The following PRELID1 variants were observed in gnomAD, a reference collection of about 807,000 sequenced individuals.
PRELID1 encodes PRELI domain-containing protein 1, mitochondrial.
PRELID1 carries 15 observed loss-of-function variants against 29.0 expected under a neutral mutation model. That is an observed-to-expected ratio of 0.52 (90% CI 0.35 to 0.80). The LOEUF (loss-of-function observed/expected upper bound fraction) is 0.80. PRELID1 is among the 30% of genes least tolerant of loss of function. PRELID1 has a pLI of 0.01. For synonymous variants in PRELID1, 79 were observed against 106.5 expected (o/e 0.74, Z 1.59); for missense variants, 187 against 275.9 (o/e 0.68, Z 2.28).
intron 2 of PRELID1, 50 bp downstream of exon 2, chr5:177,304,900 C>T (rs777240476): frequency 1.7e-5 from 25 of 1,472,884 alleles, no homozygotes; most frequent in East Asian, 2.4e-5. Context: ...CCCCTCCCCC[C>T]GAGATAGAGA....
At chr5:177,304,886 C>A in intron 2 of PRELID1, 36 bp downstream of exon 2, 3 of 1,513,710 alleles carry the variant, frequency 2.0e-6, no homozygotes, top group Non-Finnish European at 2.7e-6. Context: ...GCACCTCCCC[C>A]TCTCCCCTCC....
intron 4 of PRELID1, 60 bp from the exon 5 acceptor site, chr5:177,306,362 G>A (rs1760874221): frequency 1.2e-6 from 2 of 1,610,536 alleles, no homozygotes; most frequent in African/African-American, 1.3e-5. Flanking sequence ...TCATGGGGGA[G>A]GGAAATTAGG....
At chr5:177,306,324 G>C in intron 4 of PRELID1, 98 bp from the exon 5 acceptor site, 1 of 1,589,842 alleles carries the variant, frequency 6.3e-7, no homozygotes, top group South Asian at 1.1e-5. Flanking sequence ...CACCTTTTTA[G>C]TGGAGCCTGG....
At position 177,306,295 on chromosome 5, in the gene PRELID1, G is replaced by A. The variant is rs933300907; in HGVS notation, c.511+119G>A. 1.9e-6 allele frequency: 3 copies of A among 1,564,062 alleles called. No individual in the cohort carries two copies. In the Admixed American group the frequency reaches 5.1e-5, roughly 27 times the overall value. On this transcript the variant is annotated intron_variant, in intron 4 of 4. Coordinates refer to ENST00000303204, the MANE Select transcript of PRELID1 (RefSeq NM_013237.4). Reference sequence around the variant, plus strand: ...CTGGGACTCCTTGTCTGTACTGGGGGTGGGAGGAGGGTGAATACCACCTTT... The same window carrying A: ...CTGGGACTCCTTGTCTGTACTGGGGATGGGAGGAGGGTGAATACCACCTTT...
At position 177,306,872 on chromosome 5, in the gene PRELID1, A is replaced by G; in HGVS notation, c.*302A>G. The G allele has an allele frequency of 2.8e-6, 2 of 722,662 alleles. No individual in the cohort carries two copies. Among genetic ancestry groups the G allele is most frequent in the Non-Finnish European group, 4.4e-6 (2 of 452,642 alleles). 44.8% of individuals were successfully genotyped at this position (722,662 alleles called of 1,614,324 possible). A position where few individuals can be genotyped will look rare whatever the true frequency, so the allele number is the denominator to read the frequency against. On this transcript the variant is annotated 3_prime_UTR_variant, in exon 5 of 5. Transcript: ENST00000303204. The stretch of plus-strand genomic sequence containing the variant: ...GCTAGACTGTAAGCCCGACAAGGGC[A>G]GGGCTTTTGGTTTTGTTCTCTGATG...
chr5:177,305,914 G>C lies in PRELID1; in HGVS notation c.362G>C (p.Ser121Thr). ...GTTTACTGTGTGAACTCTGACAACA[G>C]TGGCTGGACTGAAATCCGCCGGGAA... The part of the protein sequence containing the change: ...RCVYCVNSDN[S>T]GWTEIRREAW... The change falls in exon 3 of 5, where the codon AGT (serine) becomes ACT (threonine). Residue 121 changes from serine to threonine, a missense_variant. Physicochemically the swap from Ser to Thr is moderately conservative, Grantham distance 58. Coordinates refer to ENST00000303204, the MANE Select transcript of PRELID1 (RefSeq NM_013237.4). 1 of 1,614,198 alleles carries C rather than the reference G, an allele frequency of 6.2e-7. No individual in the cohort carries two copies. Among genetic ancestry groups the C allele is most frequent in the Admixed American group, 1.7e-5 (1 of 60,028 alleles).
At chr5:177,304,526 G>T in intron 1 of PRELID1, 99 bp from the exon 2 acceptor site, 1 of 1,002,180 alleles carries the variant, frequency 1.0e-6, no homozygotes, top group Non-Finnish European at 1.5e-6. Flanking sequence ...TTACGGGAAG[G>T]CGTGGCCTCT....
Position 177,303,941 on chromosome 5 carries a change from C to T in PRELID1, c.-45C>T. The T allele has an allele frequency of 1.3e-6, 2 of 1,566,628 alleles. No homozygotes were observed. The highest frequency in any genetic ancestry group is 1.1e-5 in the South Asian group (1 of 89,078). On this transcript the variant is annotated 5_prime_UTR_variant, in exon 1 of 5. Transcript: ENST00000303204. This position sits in a 1 kb window ranked among gnomAD's most constrained non-coding sequence, Gnocchi z 6.1. ...GCCCTCGCGTGCCTCCCAGGCTCCGCACCCCTGATGCTGCGCGGGTGCTGA... is the reference window on the plus strand; with the variant it reads ...GCCCTCGCGTGCCTCCCAGGCTCCGTACCCCTGATGCTGCGCGGGTGCTGA...
chr5:177,306,390 T>TTC (rs760242167), intron 4 of PRELID1, 32 bp from the exon 5 acceptor site: 1 of 1,613,510 alleles, frequency 6.2e-7, no homozygotes, highest in Non-Finnish European at 8.5e-7. Flanking sequence ...TTCAGGCATC[T>TTC]TCTAAAGGCA....
chr5:177,304,269 C>T, intron 1 of PRELID1, 192 bp downstream of exon 1: 1 of 617,536 alleles, frequency 1.6e-6, no homozygotes, highest in Non-Finnish European at 2.9e-6. Flanking sequence ...TACTTGAGAC[C>T]TTAGTGTAAG....
In PRELID1 at chr5:177,304,002, T is replaced by C; in HGVS notation, c.17T>C (p.Leu6Pro). 3.1e-6 allele frequency: 5 copies of C among 1,611,278 alleles called. No homozygotes were observed. Among genetic ancestry groups the C allele is most frequent in the Non-Finnish European group, 4.2e-6 (5 of 1,179,896 alleles). The change falls in exon 1 of 5, where the codon CTG (leucine) becomes CCG (proline). Residue 6 changes from leucine to proline, a missense_variant. Transcript: ENST00000303204. ...GCCGGGACGATGGTGAAGTATTTCC[T>C]GGGCCAGAGCGTGCTCCGGAGTTCC... MVKYF[L>P]GQSVLRSSWD...
At chr5:177,305,684 T>G (rs775007397) in intron 2 of PRELID1, 187 bp from the exon 3 acceptor site, 22 of 592,634 alleles carry the variant, frequency 3.7e-5, no homozygotes, top group Non-Finnish European at 6.0e-5. Context: ...AGAAGAGAGG[T>G]TTTCGAGAGC....
rs1201840822 is a variant in PRELID1 at position 177,306,409 on chromosome 5, C to T, written c.512-13C>T. 1.9e-6 allele frequency: 3 copies of T among 1,613,882 alleles called. No individual in the cohort carries two copies. Among genetic ancestry groups the T allele is most frequent in the South Asian group, 2.2e-5 (2 of 91,042 alleles). On this transcript the variant is annotated splice_polypyrimidine_tract_variant and intron_variant, in intron 4 of 4. Transcript: ENST00000303204. Reference sequence around the variant, plus strand: ...GGCATCTTCTAAAGGCAGCCACCTGCCGTTCGCGACAGGCGAGGCCCCTTC... The same window carrying T: ...GGCATCTTCTAAAGGCAGCCACCTGTCGTTCGCGACAGGCGAGGCCCCTTC...
rs768272201 is a variant in PRELID1 at position 177,306,640 on chromosome 5, T to G, written c.*70T>G. The G allele has an allele frequency of 3.9e-6, 6 of 1,539,968 alleles. No individual in the cohort carries two copies. The highest frequency in any genetic ancestry group is 2.4e-5 in the East Asian group (1 of 41,164). On this transcript the variant is annotated 3_prime_UTR_variant, in exon 5 of 5. Coordinates refer to ENST00000303204, the MANE Select transcript of PRELID1 (RefSeq NM_013237.4). ...TCTCTGCCCTCCCTTCATTGTACTT[T>G]ATCATTAAAAATCAACTTCCAGCCC...
At chr5:177,305,019 C>G (rs557278615) in intron 2 of PRELID1, among the ~76,000 whole-genome samples, 169 bp downstream of exon 2, 59 of 152,116 alleles carry the variant, frequency 3.9e-4, no homozygotes, top group Middle Eastern at 3.2e-3. Flanking sequence ...AGGTTTTCTT[C>G]TTTTCAGCTG....
In PRELID1 at chr5:177,306,517, C is replaced by G; in HGVS notation, c.607C>G (p.Leu203Val). The change falls in exon 5 of 5, where the codon CTC (leucine) becomes GTC (valine). Residue 203 changes from leucine (L) to valine (V), a missense_variant. Transcript: ENST00000303204. ...ALAATEKAKD[L>V]ASKAATKKQQ... ...GGCAGCTACAGAGAAGGCCAAGGAC[C>G]TCGCCAGCAAGGCGGCCACCAAGAA... 7.4e-6 allele frequency: 12 copies of G among 1,612,930 alleles called. No individual in the cohort carries two copies. The highest frequency in any genetic ancestry group is 1.0e-5 in the Non-Finnish European group (12 of 1,179,562).
chr5:177,306,631 A>C lies in PRELID1; in HGVS notation c.*61A>C. On this transcript the variant is annotated 3_prime_UTR_variant, in exon 5 of 5. Coordinates refer to ENST00000303204, the MANE Select transcript of PRELID1 (RefSeq NM_013237.4). Reference sequence around the variant, plus strand: ...GGCTTAGCCTCTCTGCCCTCCCTTCATTGTACTTTATCATTAAAAATCAAC... The same window carrying C: ...GGCTTAGCCTCTCTGCCCTCCCTTCCTTGTACTTTATCATTAAAAATCAAC... 1 of 1,549,954 alleles carries C rather than the reference A, an allele frequency of 6.5e-7. No homozygotes were observed. Among genetic ancestry groups the C allele is most frequent in the Non-Finnish European group, 8.7e-7 (1 of 1,145,344 alleles).
At chr5:177,304,374 C>G (rs1371272634) in intron 1 of PRELID1, 2 of 608,870 alleles carry the variant, frequency 3.3e-6, no homozygotes. Flanking sequence ...GCCCGTGGCG[C>G]TTTCCTGGGG....
In PRELID1 at chr5:177,303,924, G is replaced by T. The variant is rs1343887152; in HGVS notation, c.-62G>T. On this transcript the variant is annotated 5_prime_UTR_variant, in exon 1 of 5. Transcript: ENST00000303204. This position sits in a 1 kb window ranked among gnomAD's most constrained non-coding sequence, Gnocchi z 6.1. ...AGCCCCGGCCCGGCCCGGCCCTCGC[G>T]TGCCTCCCAGGCTCCGCACCCCTGA... The T allele has an allele frequency of 6.8e-7, 1 of 1,473,082 alleles. No individual in the cohort carries two copies. Among genetic ancestry groups the T allele is most frequent in the East Asian group, 2.4e-5 (1 of 41,574 alleles). The allele number at this position is 1,473,082 out of a possible 1,614,324, so 91.3% of individuals were successfully genotyped here.
Sources: gnomAD v4.1 joint callset for allele counts (sites outside exome capture counted in the v4.1 genomes callset) on GRCh38, gnomAD v4.1.1 for gene constraint, Gnocchi (gnomAD v3.1) non-coding constraint, MANE v1.5 for transcripts, NCBI Gene and HGNC (gene_info 2026-07-23, HGNC 2026-07-21) for gene names.